Variants in PLCG2 observed in about 807,000 individuals in gnomAD.
PLCG2 encodes 1-phosphatidylinositol 4,5-bisphosphate phosphodiesterase gamma-2.
Under a neutral mutation model 175.6 loss-of-function variants are expected in PLCG2, and 69 were observed. The observed-to-expected ratio is 0.39, with a 90% CI of 0.32 to 0.48. The LOEUF (loss-of-function observed/expected upper bound fraction) is 0.48. Among genes scored for constraint, PLCG2 ranks in the 20% least tolerant of loss-of-function variants. The pLI is 0.91. For missense variants in PLCG2, 1,798 were observed against 1,650.9 expected, an observed-to-expected ratio of 1.09 and a Z score of -1.54; for synonymous variants, 827 against 624.0, an observed-to-expected ratio of 1.33 and a Z score of -4.85.
chr16:81,897,942 G>A, intron 13 of PLCG2: 1 of 445,878 alleles, frequency 2.2e-6, no homozygotes, highest in Admixed American at 2.4e-5. Flanking sequence ...TTTCGCACTT[G>A]GTGAAAACCT....
At chr16:81,932,934 C>A (rs1910564262) in intron 25 of PLCG2, among the ~76,000 whole-genome samples, 1 of 152,370 alleles carries the variant, frequency 6.6e-6, no homozygotes, top group African/African-American at 2.4e-5. Flanking sequence ...TCTGATGCCA[C>A]AGTACAGCTC....
At chr16:81,845,594 A>G (rs1414700965) in intron 2 of PLCG2, among the ~76,000 whole-genome samples, 2 of 152,248 alleles carry the variant, frequency 1.3e-5, no homozygotes, top group Admixed American at 1.3e-4. Flanking sequence ...TCCTGGGAAC[A>G]TGAATTTGCA....
At chr16:81,858,015 G>A (rs1162311264) in intron 3 of PLCG2, 3 of 472,824 alleles carry the variant, frequency 6.3e-6, no homozygotes, top group African/African-American at 5.7e-5. Flanking sequence ...GATTCCATTT[G>A]GCACAGGAAA....
At chr16:81,869,189 A>C in intron 5 of PLCG2, 25 bp from the exon 6 acceptor site, 1 of 1,594,192 alleles carries the variant, frequency 6.3e-7, no homozygotes. Context: ...TCAAGGTGAC[A>C]GAACTGGGTC....
At chr16:81,883,206 C>T (rs1908176121) in intron 8 of PLCG2, 63 bp from the exon 9 acceptor site, 12 of 1,453,728 alleles carry the variant, frequency 8.3e-6, no homozygotes, top group Non-Finnish European at 1.2e-5. Context: ...TGGCTGGCAT[C>T]TCCTCTCGAC....
chr16:81,778,852 C>T (rs905774979), upstream of PLCG2, among the ~76,000 whole-genome samples: 2 of 152,130 alleles, frequency 1.3e-5, no homozygotes, highest in African/African-American at 4.8e-5. Flanking sequence ...TGTCTCTCGG[C>T]CACACCCATC....
chr16:81,824,052 TCCTG>T (rs1567483156), intron 2 of PLCG2, among the ~76,000 whole-genome samples: 8,021 of 69,288 alleles, frequency 0.12, 458 homozygotes, highest in Middle Eastern at 0.16. Flanking sequence ...TCCTTTCCTG[TCCTG>T]TCCTGTCCTG....
intron 31 of PLCG2, among the ~76,000 whole-genome samples, chr16:81,951,401 A>G (rs1911360027): frequency 1.3e-5 from 2 of 152,252 alleles, no homozygotes; most frequent in South Asian, 2.1e-4. Context: ...AAGAATGTAA[A>G]TAGGCTAAAA....
intron 14 of PLCG2, 142 bp from the exon 15 acceptor site, chr16:81,905,261 T>G (rs753006353): frequency 1.4e-5 from 9 of 640,938 alleles, no homozygotes; most frequent in Non-Finnish European, 2.3e-5. Flanking sequence ...AGGGCAGAGC[T>G]GAACAGACTA....
intron 2 of PLCG2, among the ~76,000 whole-genome samples, chr16:81,849,456 C>T (rs1415489536): frequency 3.3e-5 from 5 of 152,128 alleles, no homozygotes. Context: ...TCACCATAGG[C>T]CAGTTCAAAG....
In PLCG2 at chr16:81,960,812, G is replaced by A. The variant is rs149134360; in HGVS notation, c.*2814G>A. ...TAGATTAAGCTAGCCTTACCCCTGGGAGTATACCAGAGCTTTCCAAGGAAT... is the reference window on the plus strand; with the variant it reads ...TAGATTAAGCTAGCCTTACCCCTGGAAGTATACCAGAGCTTTCCAAGGAAT... On this transcript the variant is annotated 3_prime_UTR_variant, in exon 33 of 33. Transcript: ENST00000564138. The A allele has an allele frequency of 1.6e-3, 376 of 229,614 alleles. 1 individual carries two copies. In the East Asian group the frequency reaches 0.018, roughly 11 times the overall value. 14.2% of individuals were successfully genotyped at this position (229,614 alleles called of 1,614,324 possible).
chr16:81,881,854 G>T (rs1297090293), intron 8 of PLCG2, among the ~76,000 whole-genome samples: 2 of 149,442 alleles, frequency 1.3e-5, no homozygotes, highest in Non-Finnish European at 3.0e-5. Context: ...GTTTCACCAT[G>T]TTGGCCAGTC....
chr16:81,781,619 A>G (rs1434388486), intron 1 of PLCG2, among the ~76,000 whole-genome samples: 2 of 152,124 alleles, frequency 1.3e-5, no homozygotes, highest in African/African-American at 4.8e-5. Context: ...GGCTGACACC[A>G]TTCCTTTGAA....
At chr16:81,751,441 G>T (rs1405627100) in intron 1 of PLCG2, among the ~76,000 whole-genome samples, 1 of 152,218 alleles carries the variant, frequency 6.6e-6, no homozygotes, top group Non-Finnish European at 1.5e-5. Context: ...CATAGAAGCA[G>T]AGAGTAGAAT....
At chr16:81,861,582 C>G (rs530613784) in intron 5 of PLCG2, among the ~76,000 whole-genome samples, 1 of 152,210 alleles carries the variant, frequency 6.6e-6, no homozygotes, top group African/African-American at 2.4e-5. Flanking sequence ...GCCACCCTCT[C>G]GTGTTACTGA....
rs1424969556 is a variant in PLCG2 at position 81,900,769 on chromosome 16, A to G, written c.1351A>G (p.Ile451Val). The G allele has an allele frequency of 6.3e-7, 1 of 1,599,782 alleles. No homozygotes were observed. The highest frequency in any genetic ancestry group is 1.1e-5 in the South Asian group (1 of 90,768). The change falls in exon 14 of 33, where the codon ATC becomes GTC. Residue 451 changes from isoleucine (I) to valine (V), a missense_variant. Transcript: ENST00000564138. Reference protein sequence around the residue: ...LPSPSQLREKIIIKHKKLGPR... With the variant: ...LPSPSQLREKVIIKHKKLGPR... The stretch of plus-strand genomic sequence containing the variant: ...CTCGCCCAGCCAGCTGCGGGAGAAG[A>G]TCATCATCAAGGTAGGCACCCCGGG...
At chr16:81,746,699 G>A (rs556308658) in intron 1 of PLCG2, among the ~76,000 whole-genome samples, 1 of 152,308 alleles carries the variant, frequency 6.6e-6, no homozygotes, top group East Asian at 1.9e-4. Flanking sequence ...TAAACAGGCA[G>A]TTTAACCTCC....
At chr16:81,768,800 C>G (rs1910210959) in intron 2 of PLCG2, among the ~76,000 whole-genome samples, 1 of 152,038 alleles carries the variant, frequency 6.6e-6, no homozygotes. Flanking sequence ...CTCCTGACCT[C>G]AGGTGATTCA....
At chr16:81,864,423 C>A (rs73592995) in intron 5 of PLCG2, among the ~76,000 whole-genome samples, 1 of 152,158 alleles carries the variant, frequency 6.6e-6, no homozygotes. Context: ...CTAGCAGCTA[C>A]TACCTCAGAC....
Sources: gnomAD v4.1 joint callset for allele counts (sites outside exome capture counted in the v4.1 genomes callset) on GRCh38, gnomAD v4.1.1 for gene constraint, MANE v1.5 for transcripts, NCBI Gene and HGNC (gene_info 2026-07-23, HGNC 2026-07-21) for gene names.